The following RBBP6 variants were observed in gnomAD, a reference collection of about 807,000 sequenced individuals.
RBBP6 encodes E3 ubiquitin-protein ligase RBBP6.
Under a neutral mutation model 167.7 loss-of-function variants are expected in RBBP6, and 25 were observed. The observed-to-expected ratio is 0.15, with a 90% CI of 0.11 to 0.21. RBBP6 has a LOEUF of 0.21. Among genes scored for constraint, RBBP6 ranks in the 10% least tolerant of loss-of-function variants. RBBP6 has a pLI of 1.00. For synonymous variants in RBBP6, 789 were observed against 735.8 expected (o/e 1.07, Z -1.17); for missense variants, 1,868 against 2,134.2 (o/e 0.88, Z 2.46).
rs765277227 is a variant in RBBP6 at position 24,568,947 on chromosome 16, T to C, written c.2257T>C (p.Tyr753His). The C allele has an allele frequency of 6.2e-7, 1 of 1,614,242 alleles. No individual in the cohort carries two copies. Among genetic ancestry groups the C allele is most frequent in the South Asian group, 1.1e-5 (1 of 91,090 alleles). ...NYRSRSRSHGYHRSRSRSPPY... is the reference protein window; with the variant it reads ...NYRSRSRSHGHHRSRSRSPPY... ...CCGTTCACGGTCTAGATCTCATGGA[T>C]ATCATCGATCTAGGTCAAGGTCACC... The change falls in exon 17 of 18, where the codon TAT becomes CAT. Residue 753 changes from tyrosine (Y) to histidine (H), a missense_variant. Physicochemically the swap from Tyr to His is moderately conservative, Grantham distance 83 (BLOSUM62 2). Around this residue, in one of 7 missense-constraint regions of RBBP6, gnomAD observed 673 missense variants for 691.5 expected, o/e 0.97. Transcript: ENST00000319715.
rs148354788 is a variant in RBBP6, at chr16:24,569,891, G to A, written c.3201G>A (p.Pro1067=). Residue 1067 remains proline, a synonymous_variant, in exon 17 of 18, where the codon CCG becomes CCA. Coordinates refer to ENST00000319715, the MANE Select transcript of RBBP6 (RefSeq NM_006910.5). The part of the protein sequence containing the change: ...PPIKKAKEET[P]KTDNTKSSSS... ...TTAAAAAAGCCAAAGAGGAGACTCCGAAGACTGACAATACTAAATCATCAT... is the reference window on the plus strand; with the variant it reads ...TTAAAAAAGCCAAAGAGGAGACTCCAAAGACTGACAATACTAAATCATCAT... 471 of 1,610,734 alleles carry A rather than the reference G, an allele frequency of 2.9e-4. No individual in the cohort carries two copies. Among genetic ancestry groups the A allele is most frequent in the Non-Finnish European group, 3.7e-4 (437 of 1,179,328 alleles).
At chr16:24,566,247 A>G (rs949282538) in intron 14 of RBBP6, among the ~76,000 whole-genome samples, 1 of 152,214 alleles carries the variant, frequency 6.6e-6, no homozygotes, top group African/African-American at 2.4e-5. Context: ...AATTTAAAGC[A>G]CCTCTAGTTT....
At chr16:24,548,909 G>A (rs747726563) in intron 2 of RBBP6, 36 bp from the exon 3 acceptor site, 39 of 1,522,674 alleles carry the variant, frequency 2.6e-5, no homozygotes, top group Non-Finnish European at 3.2e-5. Flanking sequence ...TTCATAAATA[G>A]CTAATGTTAA....
At chr16:24,542,455 G>GC (rs138965537) in intron 1 of RBBP6, among the ~76,000 whole-genome samples, 22,236 of 147,950 alleles carry the variant, frequency 0.15, 1,813 homozygotes, top group Admixed American at 0.25. Context: ...ATTGAATGCA[G>GC]CTTTTTTTTT....
chr16:24,558,428 C>T, intron 7 of RBBP6: 34 of 947,810 alleles, frequency 3.6e-5, no homozygotes, highest in Non-Finnish European at 4.3e-5. Context: ...CAGTGGGAGA[C>T]TCCTCTTTCA....
At chr16:24,554,971 ACC>A (rs1393951410) in intron 4 of RBBP6, 2 of 151,948 alleles carry the variant, frequency 1.3e-5, no homozygotes, top group Non-Finnish European at 2.9e-5. Flanking sequence ...GTAAAGACAA[ACC>A]CCAATGAATG....
At chr16:24,548,468 A>G (rs1898716786) in intron 2 of RBBP6, among the ~76,000 whole-genome samples, 2 of 152,152 alleles carry the variant, frequency 1.3e-5, no homozygotes, top group Non-Finnish European at 2.9e-5. Context: ...GAAAATAGCT[A>G]TCAGCCTGGC....
chr16:24,559,474 A>T (rs199982748), intron 7 of RBBP6, 31 bp from the exon 8 acceptor site: 3 of 1,550,092 alleles, frequency 1.9e-6, no homozygotes. Flanking sequence ...CCTTCTTAAC[A>T]ATGGTAAAAC....
chr16:24,560,774 ATTAT>A (rs1899032418), intron 8 of RBBP6, among the ~76,000 whole-genome samples: 3 of 152,200 alleles, frequency 2.0e-5, no homozygotes, highest in East Asian at 1.9e-4. Flanking sequence ...CAATCTAGAG[ATTAT>A]TTAAAGTATA....
intron 14 of RBBP6, among the ~76,000 whole-genome samples, chr16:24,566,624 C>A (rs765468818): frequency 7.2e-5 from 11 of 152,140 alleles, no homozygotes; most frequent in Non-Finnish European, 1.0e-4. Flanking sequence ...GTCTCTAGTC[C>A]CAGCTACTTG....
At chr16:24,555,516 G>C (rs1388118669) in intron 4 of RBBP6, 99 bp from the exon 5 acceptor site, 5 of 899,112 alleles carry the variant, frequency 5.6e-6, no homozygotes, top group Non-Finnish European at 8.7e-6. Flanking sequence ...TGCAAGATTA[G>C]TTAGATACTG....
chr16:24,561,939 C>T lies in RBBP6; in HGVS notation c.1067C>T (p.Pro356Leu). 3.7e-6 allele frequency: 6 copies of T among 1,613,772 alleles called. No homozygotes were observed. Among genetic ancestry groups the T allele is most frequent in the Non-Finnish European group, 5.1e-6 (6 of 1,179,736 alleles). Residue 356 changes from proline to leucine, a missense_variant, in exon 10 of 18, where the codon CCT (proline) becomes CTT (leucine). This residue lies in a region of RBBP6 where 245 missense variants were observed against 240.1 expected (regional missense o/e 1.02). Transcript: ENST00000319715. ...CCACTGATTCAGAGGAACCTACAAC[C>T]TCTGATGAGATCTCCGATATCAAGA... The part of the protein sequence containing the change: ...PRPLIQRNLQ[P>L]LMRSPISRQQ...
chr16:24,549,841 T>C (rs538789195), intron 3 of RBBP6, among the ~76,000 whole-genome samples: 68 of 152,180 alleles, frequency 4.5e-4, no homozygotes, highest in Non-Finnish European at 8.8e-4. Context: ...CTGTACCTTA[T>C]CAGAGGTAAC....
chr16:24,539,586 A>G lies in RBBP6; in HGVS notation c.-1041A>G, dbSNP rs1898426133. 6.6e-6 allele frequency: 1 copy of G among 151,964 alleles called. No homozygotes were observed. The highest frequency in any genetic ancestry group is 1.5e-5 in the Non-Finnish European group (1 of 68,010). 9.4% of individuals were successfully genotyped at this position (151,964 alleles called of 1,614,324 possible). A position where few individuals can be genotyped will look rare whatever the true frequency, so the allele number is the denominator to read the frequency against. On this transcript the variant is annotated 5_prime_UTR_variant, in exon 1 of 18. Coordinates refer to ENST00000319715, the MANE Select transcript of RBBP6 (RefSeq NM_006910.5). ...ACCCCGCAGTGGGGCGCTCGTCCGA[A>G]GCCAGGCCGCGTCCGCCATAGTACC...
intron 1 of RBBP6, among the ~76,000 whole-genome samples, chr16:24,543,083 T>C (rs757484509): frequency 6.6e-6 from 1 of 152,304 alleles, no homozygotes; most frequent in Middle Eastern, 3.4e-3. Flanking sequence ...TAGTATCCAA[T>C]GTCACAAGGC....
intron 2 of RBBP6, 100 bp from the exon 3 acceptor site, chr16:24,548,845 G>A: frequency 2.1e-6 from 2 of 957,018 alleles, no homozygotes; most frequent in Non-Finnish European, 3.1e-6. Flanking sequence ...GGAAAATTAG[G>A]TTCCTAAAAA....
Position 24,569,406 on chromosome 16 carries a change from G to A in RBBP6, c.2716G>A (p.Asp906Asn), listed in dbSNP as rs1899271004. The change falls in exon 17 of 18, where the codon GAT becomes AAT. Residue 906 changes from aspartate (D) to asparagine (N), a missense_variant. Physicochemically the swap from Asp to Asn is conservative, Grantham distance 23 (BLOSUM62 1). Around this residue, in one of 7 missense-constraint regions of RBBP6, gnomAD observed 673 missense variants for 691.5 expected, o/e 0.97. Coordinates refer to ENST00000319715, the MANE Select transcript of RBBP6 (RefSeq NM_006910.5). ...SNYPEKLSAR[D>N]GHNQKDNTKS... The stretch of plus-strand genomic sequence containing the variant: ...CTATCCAGAAAAGCTTTCAGCAAGA[G>A]ATGGTCACAATCAGAAGGATAATAC... 5.0e-6 allele frequency: 8 copies of A among 1,614,114 alleles called. No homozygotes were observed. The East Asian group carries it at 1.8e-4, about 36-fold the overall frequency.
At chr16:24,544,112 C>T (rs762248180) in intron 1 of RBBP6, among the ~76,000 whole-genome samples, 3 of 152,218 alleles carry the variant, frequency 2.0e-5, no homozygotes, top group African/African-American at 2.4e-5. Context: ...TAGTTTGACA[C>T]AGTACGGTGC....
At chr16:24,549,213 T>G in intron 3 of RBBP6, 1 of 1,413,148 alleles carries the variant, frequency 7.1e-7, no homozygotes, top group Non-Finnish European at 9.2e-7. Flanking sequence ...ATATTAAATA[T>G]GATAGCATTA....
Sources: gnomAD v4.1 joint callset for allele counts (sites outside exome capture counted in the v4.1 genomes callset) on GRCh38, gnomAD v4.1.1 for gene constraint, gnomAD v4.1.1 regional missense constraint, MANE v1.5 for transcripts, NCBI Gene and HGNC (gene_info 2026-07-23, HGNC 2026-07-21) for gene names.